The following PLCH1 variants were observed in gnomAD, a reference collection of about 807,000 sequenced individuals.
PLCH1 encodes the protein 1-phosphatidylinositol 4,5-bisphosphate phosphodiesterase eta-1.
Under a neutral mutation model 126.7 loss-of-function variants are expected in PLCH1, and 60 were observed. That is an observed-to-expected ratio of 0.47 (90% CI 0.38 to 0.59). The LOEUF (loss-of-function observed/expected upper bound fraction) is 0.59. PLCH1 is among the 20% of genes least tolerant of loss of function. The pLI is 0.00. For synonymous variants in PLCH1, 719 were observed against 734.9 expected, an observed-to-expected ratio of 0.98 and a Z score of 0.35; for missense variants, 1,723 against 2,040.0, an observed-to-expected ratio of 0.84 and a Z score of 2.99.
intron 2 of PLCH1, among the ~76,000 whole-genome samples, chr3:155,686,733 C>T (rs914805622): frequency 3.9e-5 from 6 of 152,178 alleles, no homozygotes; most frequent in Non-Finnish European, 8.8e-5. Context: ...GCTCTAAAGT[C>T]ACATTCCCTA....
Position 155,488,715 on chromosome 3 carries a change from G to A in PLCH1, c.2484C>T (p.Pro828=). The change falls in exon 20 of 23, where the codon CCC becomes CCT. Residue 828 remains proline, a synonymous_variant. Coordinates refer to ENST00000460012, the MANE Select transcript of PLCH1 (RefSeq NM_014996.4). ...TTTGTCCAACAAAGTCTCGTCCAAT[G>A]GGATCGTGATCCCACACAAGGAACC... ...LVRFLVWDHD[P]IGRDFVGQRT... 6.2e-7 allele frequency: 1 copy of A among 1,613,988 alleles called. No individual in the cohort carries two copies. Among genetic ancestry groups the A allele is most frequent in the Non-Finnish European group, 8.5e-7 (1 of 1,179,932 alleles).
intron 2 of PLCH1, among the ~76,000 whole-genome samples, chr3:155,663,869 C>A (rs1742446938): frequency 6.6e-6 from 1 of 152,096 alleles, no homozygotes; most frequent in African/African-American, 2.4e-5. Flanking sequence ...GTTTGCACCA[C>A]TATTGTTTAG....
intron 2 of PLCH1, among the ~76,000 whole-genome samples, chr3:155,600,984 C>CA (rs1560228362): frequency 6.6e-6 from 1 of 151,358 alleles, no homozygotes; most frequent in African/African-American, 2.4e-5. Flanking sequence ...TCTACAAGGT[C>CA]TTTTTTTTTA....
chr3:155,551,359 C>A lies in PLCH1; in HGVS notation c.1191-1401G>T, dbSNP rs541339279. On this transcript the variant is annotated intron_variant, in intron 9 of 22. Coordinates refer to ENST00000460012, the MANE Select transcript of PLCH1 (RefSeq NM_014996.4). ...ACTCAGGAGGCTGAGGCAAGAGAAT[C>A]GCTTGAACCCAGGAGGCGGAGGTTG... Among the ~76,000 whole-genome samples the A allele has an allele frequency of 3.8e-4, 53 of 138,774 alleles. 1 individual carries two copies. The highest frequency in any genetic ancestry group is 1.5e-3 in the African/African-American group (53 of 36,230). 91.0% of individuals were successfully genotyped at this position (138,774 alleles called of 152,430 possible).
intron 21 of PLCH1, among the ~76,000 whole-genome samples, chr3:155,472,606 C>A (rs993932092): frequency 1.3e-5 from 2 of 151,878 alleles, no homozygotes; most frequent in African/African-American, 4.8e-5. Context: ...GATACCAAAG[C>A]CGGGCAGAGA....
intron 4 of PLCH1, 46 bp downstream of exon 4, chr3:155,593,895 C>T: frequency 1.3e-6 from 2 of 1,596,082 alleles, no homozygotes; most frequent in South Asian, 1.1e-5. Context: ...CACACGCATA[C>T]ACAGAGAGCA....
chr3:155,528,229 CAAAA>C (rs55712257), intron 10 of PLCH1, among the ~76,000 whole-genome samples: 35 of 124,368 alleles, frequency 2.8e-4, no homozygotes, highest in Admixed American at 3.3e-4. Context: ...GTCTCCCCAC[CAAAA>C]AAAAAAAAAA....
At chr3:155,606,883 T>G (rs1734436239) in intron 2 of PLCH1, among the ~76,000 whole-genome samples, 1 of 152,228 alleles carries the variant, frequency 6.6e-6, no homozygotes, top group Non-Finnish European at 1.5e-5. Flanking sequence ...TGGTGATCTG[T>G]TTTACCTTCC....
At chr3:155,590,630 G>A (rs572583020) in intron 4 of PLCH1, among the ~76,000 whole-genome samples, 112 of 150,512 alleles carry the variant, frequency 7.4e-4, no homozygotes, top group African/African-American at 2.5e-3. Flanking sequence ...GGCACCTGTA[G>A]TCCCAGCTAC....
At chr3:155,456,548 A>G (rs1369510906) in intron 21 of PLCH1, 1 of 152,268 alleles carries the variant, frequency 6.6e-6, no homozygotes, top group Non-Finnish European at 1.5e-5. Context: ...GCCTATTTCC[A>G]GCCCTTATTT....
At chr3:155,696,666 G>T (rs898827047) in intron 2 of PLCH1, among the ~76,000 whole-genome samples, 12 of 152,140 alleles carry the variant, frequency 7.9e-5, no homozygotes, top group Non-Finnish European at 1.5e-4. Context: ...AACATGAAAG[G>T]TCTGCAAATC....
rs80105192 is a variant in PLCH1, at chr3:155,515,800, A to T, written c.1471-916T>A. On this transcript the variant is annotated intron_variant, in intron 11 of 22. Coordinates refer to ENST00000460012, the MANE Select transcript of PLCH1 (RefSeq NM_014996.4). ...TTCTTCAACCACTTGCTAAAGACCAACCCCCCAAAGGGAGGAAAGGGATAC... is the reference window on the plus strand; with the variant it reads ...TTCTTCAACCACTTGCTAAAGACCATCCCCCCAAAGGGAGGAAAGGGATAC... Among the ~76,000 whole-genome samples the T allele has an allele frequency of 1.7e-4, 20 of 120,368 alleles. No individual in the cohort carries two copies. In the East Asian group the frequency reaches 4.4e-3, roughly 27 times the overall value. 79.0% of individuals were successfully genotyped at this position (120,368 alleles called of 152,430 possible). A position where few individuals can be genotyped will look rare whatever the true frequency, so the allele number is the denominator to read the frequency against.
chr3:155,743,445 T>C (rs1749763965), intron 1 of PLCH1: 2 of 405,234 alleles, frequency 4.9e-6, no homozygotes, highest in South Asian at 3.7e-5. Context: ...GGCAAGAGAA[T>C]AGCTTGAACC....
At chr3:155,631,598 A>G (rs1175223771) in intron 2 of PLCH1, among the ~76,000 whole-genome samples, 2 of 152,250 alleles carry the variant, frequency 1.3e-5, no homozygotes, top group South Asian at 2.1e-4. Context: ...TTGAATTTTC[A>G]TAACTGATTC....
intron 2 of PLCH1, among the ~76,000 whole-genome samples, chr3:155,615,109 C>CA (rs1735622687): frequency 6.6e-6 from 1 of 151,922 alleles, no homozygotes; most frequent in African/African-American, 2.4e-5. Flanking sequence ...AAAATCCTAT[C>CA]AAAAAGTGGG....
chr3:155,460,731 A>C (rs977448012), intron 21 of PLCH1, among the ~76,000 whole-genome samples: 1 of 152,152 alleles, frequency 6.6e-6, no homozygotes, highest in Non-Finnish European at 1.5e-5. Flanking sequence ...CTCTGCAAAC[A>C]TACACACAAA....
Position 155,488,720 on chromosome 3 carries a change from C to A in PLCH1, c.2479G>T (p.Asp827Tyr). Residue 827 changes from aspartate to tyrosine, a missense_variant, in exon 20 of 23, where the codon GAT becomes TAT. By Grantham distance (160) the Asp-to-Tyr change is radical. Coordinates refer to ENST00000460012, the MANE Select transcript of PLCH1 (RefSeq NM_014996.4). ...CCAACAAAGTCTCGTCCAATGGGAT[C>A]GTGATCCCACACAAGGAACCGAACC... ...ALVRFLVWDHDPIGRDFVGQR... is the reference protein window; with the variant it reads ...ALVRFLVWDHYPIGRDFVGQR... 2 of 1,613,940 alleles carry A rather than the reference C, an allele frequency of 1.2e-6. No individual in the cohort carries two copies. The highest frequency in any genetic ancestry group is 8.5e-7 in the Non-Finnish European group (1 of 1,179,890).
At chr3:155,521,482 G>A (rs1721102839) in intron 11 of PLCH1, among the ~76,000 whole-genome samples, 1 of 152,192 alleles carries the variant, frequency 6.6e-6, no homozygotes, top group African/African-American at 2.4e-5. Flanking sequence ...GTTAAAATGT[G>A]TATTTATTGC....
chr3:155,504,548 T>C lies in PLCH1; in HGVS notation c.1704+7A>G. The C allele has an allele frequency of 6.5e-7, 1 of 1,530,468 alleles. No individual in the cohort carries two copies. Among genetic ancestry groups the C allele is most frequent in the Non-Finnish European group, 9.1e-7 (1 of 1,103,988 alleles). The allele number at this position is 1,530,468 out of a possible 1,614,324, so 94.8% of individuals were successfully genotyped here. ...AAGTATGCATAGTTATTACTCTTAA[T>C]TCATACCTTATGTTTTCCAAAGTTG... On this transcript the variant is annotated splice_region_variant and intron_variant, in intron 13 of 22. Transcript: ENST00000460012.
Sources: allele counts gnomAD v4.1 joint callset (sites outside exome capture counted in the v4.1 genomes callset), GRCh38; gene constraint gnomAD v4.1.1; transcripts MANE v1.5; gene names NCBI Gene and HGNC (gene_info 2026-07-23, HGNC 2026-07-21).